Variants in MAPK13 observed in about 807,000 individuals in gnomAD.
MAPK13 encodes MAP kinase 13.
A neutral mutation model predicts 53.5 loss-of-function variants in MAPK13; 39 were observed. The ratio of observed to expected loss-of-function variants is 0.73; its 90% CI spans 0.56 to 0.95. MAPK13 has a LOEUF of 0.95. MAPK13 is among the 40% of genes least tolerant of loss of function. MAPK13 has a pLI of 0.00. For synonymous variants in MAPK13, 179 were observed against 190.9 expected (o/e 0.94, Z 0.51); for missense variants, 460 against 471.8 (o/e 0.98, Z 0.23).
In MAPK13 at chr6:36,141,047, C is replaced by T. The variant is rs985923615; in HGVS notation, c.*1674C>T. 1.3e-5 allele frequency: 2 copies of T among 152,126 alleles called. No homozygotes were observed. The highest frequency in any genetic ancestry group is 2.9e-5 in the Non-Finnish European group (2 of 68,056). 9.4% of individuals were successfully genotyped at this position (152,126 alleles called of 1,614,324 possible). ...AACTTCTGGACTCAAGTGATCCTCC[C>T]ACTTTGGCCTCCCAAAGTGCTGGGA... is the stretch of plus-strand genomic sequence containing the variant. On this transcript the variant is annotated 3_prime_UTR_variant, in exon 12 of 12. Coordinates refer to ENST00000211287, the MANE Select transcript of MAPK13 (RefSeq NM_002754.5).
Position 36,138,887 on chromosome 6 carries a change from C to G in MAPK13, c.850C>G (p.Leu284Val). 1.9e-6 allele frequency: 3 copies of G among 1,610,400 alleles called. No homozygotes were observed. The highest frequency in any genetic ancestry group is 2.5e-6 in the Non-Finnish European group (3 of 1,178,320). ...TGGCTCTGCCCCTGCAGCTGCGGAC[C>G]TGCTGGAGAAGATGCTGGAGCTAGA... ...FPRASPQAAD[L>V]LEKMLELDVD... The change falls in exon 11 of 12, where the codon CTG becomes GTG. Residue 284 changes from leucine to valine, a missense_variant. Physicochemically the swap from Leu to Val is conservative, Grantham distance 32 (BLOSUM62 1). Transcript: ENST00000211287.
At position 36,139,573 on chromosome 6, in the gene MAPK13, C is replaced by T. The variant is rs947928993; in HGVS notation, c.*200C>T. ...AACTAGCTCTGATCCTAACAGGCCA[C>T]GTTAAACTGCCCATCTGGAGAATCG... On this transcript the variant is annotated 3_prime_UTR_variant, in exon 12 of 12. Coordinates refer to ENST00000211287, the MANE Select transcript of MAPK13 (RefSeq NM_002754.5). 1.3e-5 allele frequency: 7 copies of T among 557,134 alleles called. No individual in the cohort carries two copies. Among genetic ancestry groups the T allele is most frequent in the Admixed American group, 6.3e-5 (2 of 31,640 alleles). 34.5% of individuals were successfully genotyped at this position (557,134 alleles called of 1,614,324 possible). A position where few individuals can be genotyped will look rare whatever the true frequency, so the allele number is the denominator to read the frequency against.
Position 36,131,253 on chromosome 6 carries a change from C to CCAGG in MAPK13, c.120-17_120-16insAGGC. ...CCAGGAGGAGAGCCTCGCCTGCTGA[C>CCAGG]CGGCCTGTGCCCGACAGCTCGGCCA... On this transcript the variant is annotated splice_polypyrimidine_tract_variant and intron_variant, in intron 1 of 11. Coordinates refer to ENST00000211287, the MANE Select transcript of MAPK13 (RefSeq NM_002754.5). 6.2e-7 allele frequency: 1 copy of CCAGG among 1,607,274 alleles called. No individual in the cohort carries two copies. Among genetic ancestry groups the CCAGG allele is most frequent in the South Asian group, 1.1e-5 (1 of 90,408 alleles).
chr6:36,134,573 AT>A (rs1368714529), intron 3 of MAPK13, among the ~76,000 whole-genome samples: 1 of 151,774 alleles, frequency 6.6e-6, no homozygotes, highest in African/African-American at 2.4e-5. Flanking sequence ...TTTTGTTTTA[AT>A]TTTTATAGAT....
In MAPK13 at chr6:36,130,871, C is replaced by T; in HGVS notation, c.119+170C>T. On this transcript the variant is annotated intron_variant, in intron 1 of 11. Coordinates refer to ENST00000211287, the MANE Select transcript of MAPK13 (RefSeq NM_002754.5). The surrounding 1 kb of genome is among the most constrained non-coding windows in gnomAD (Gnocchi z 4.5). ...CCATCTCCCTTTTCTCACCGAGTGG[C>T]TGAGTGAGGTCTCTGGGGGTTGAGT... 1 of 512,990 alleles carries T rather than the reference C, an allele frequency of 1.9e-6. No homozygotes were observed. 31.8% of individuals were successfully genotyped at this position (512,990 alleles called of 1,614,324 possible).
At chr6:36,139,231 G>T in intron 11 of MAPK13, 63 bp from the exon 12 acceptor site, 1 of 1,510,208 alleles carries the variant, frequency 6.6e-7, no homozygotes. Flanking sequence ...TGTCTCTGAA[G>T]GGGGGTGGAC....
Position 36,139,073 on chromosome 6 carries a change from G to C in MAPK13, c.1018+18G>C, listed in dbSNP as rs762955935. 1.0e-5 allele frequency: 16 copies of C among 1,560,922 alleles called. No individual in the cohort carries two copies. Among genetic ancestry groups the C allele is most frequent in the Non-Finnish European group, 1.3e-5 (15 of 1,154,182 alleles). ...ATGGAAGCGTAAGAGCTGGGGCCTC[G>C]GGCTTCCTCGCCTCCGCCTGCAGCC... On this transcript the variant is annotated intron_variant, in intron 11 of 11. Transcript: ENST00000211287.
At chr6:36,132,544 T>G (rs1287257401) in intron 2 of MAPK13, 77 bp from the exon 3 acceptor site, 3 of 1,320,744 alleles carry the variant, frequency 2.3e-6, no homozygotes, top group Non-Finnish European at 3.3e-6. Flanking sequence ...GATGGCCCTG[T>G]GCATGGCCAG....
At position 36,140,509 on chromosome 6, in the gene MAPK13, G is replaced by A. The variant is rs1050196939; in HGVS notation, c.*1136G>A. The A allele has an allele frequency of 6.6e-6, 1 of 152,604 alleles. No homozygotes were observed. Among genetic ancestry groups the A allele is most frequent in the Non-Finnish European group, 1.5e-5 (1 of 68,046 alleles). 9.5% of individuals were successfully genotyped at this position (152,604 alleles called of 1,614,324 possible). On this transcript the variant is annotated 3_prime_UTR_variant, in exon 12 of 12. Coordinates refer to ENST00000211287, the MANE Select transcript of MAPK13 (RefSeq NM_002754.5). ...GCACCAGGGGACTTGTTAAAATGCA[G>A]ATTCCTGGGCCCCACCCCAGGGCTT...
Position 36,142,666 on chromosome 6 carries a change from G to T in MAPK13, c.*3293G>T, listed in dbSNP as rs914445120. 3.9e-5 allele frequency: 6 copies of T among 152,386 alleles called. No individual in the cohort carries two copies. Among genetic ancestry groups the T allele is most frequent in the African/African-American group, 1.2e-4 (5 of 41,452 alleles). The allele number at this position is 152,386 out of a possible 1,614,324, so 9.4% of individuals were successfully genotyped here. A position where few individuals can be genotyped will look rare whatever the true frequency, so the allele number is the denominator to read the frequency against. ...GCAGAGAGCCCAGCAGGAAGCAGAAGTGGGCGGCCCTGGGCTGTACCTTTG... is the reference window on the plus strand; with the variant it reads ...GCAGAGAGCCCAGCAGGAAGCAGAATTGGGCGGCCCTGGGCTGTACCTTTG... On this transcript the variant is annotated 3_prime_UTR_variant, in exon 12 of 12. Coordinates refer to ENST00000211287, the MANE Select transcript of MAPK13 (RefSeq NM_002754.5). The surrounding 1 kb of genome is among the most constrained non-coding windows in gnomAD (Gnocchi z 4.4).
intron 8 of MAPK13, among the ~76,000 whole-genome samples, chr6:36,137,776 C>T (rs866002725): frequency 6.6e-6 from 1 of 151,468 alleles, no homozygotes; most frequent in African/African-American, 2.4e-5. Flanking sequence ...GCCTGGCCAA[C>T]GTGGTCAAAC....
intron 3 of MAPK13, among the ~76,000 whole-genome samples, chr6:36,135,279 C>T (rs1220212540): frequency 1.3e-5 from 2 of 152,228 alleles, no homozygotes; most frequent in Non-Finnish European, 2.9e-5. Flanking sequence ...CCTCTTCCAC[C>T]CTCCTGGAAA....
intron 1 of MAPK13, 80 bp from the exon 2 acceptor site, chr6:36,131,191 C>T: frequency 6.6e-7 from 1 of 1,517,812 alleles, no homozygotes; most frequent in Non-Finnish European, 8.9e-7. Context: ...GCCCAGCTGC[C>T]CAGTGGGAGG....
In MAPK13 at chr6:36,138,966, C is replaced by T. The variant is rs372731935; in HGVS notation, c.929C>T (p.Pro310Leu). 2.1e-5 allele frequency: 34 copies of T among 1,613,940 alleles called. No homozygotes were observed. The highest frequency in any genetic ancestry group is 2.5e-5 in the Non-Finnish European group (29 of 1,179,976). ...GCCCTCACCCATCCCTTCTTTGAAC[C>T]CTTCCGGGACCCTGAGGAAGAGACG... ...AQALTHPFFE[P>L]FRDPEEETEA... The change falls in exon 11 of 12, where the codon CCC becomes CTC. Residue 310 changes from proline (P) to leucine (L), a missense_variant. Physicochemically the swap from Pro to Leu is moderately conservative, Grantham distance 98. Transcript: ENST00000211287.
Position 36,138,436 on chromosome 6 carries a change from G to C in MAPK13, c.754G>C (p.Asp252His). 1 of 1,613,932 alleles carries C rather than the reference G, an allele frequency of 6.2e-7. No individual in the cohort carries two copies. The highest frequency in any genetic ancestry group is 8.5e-7 in the Non-Finnish European group (1 of 1,179,930). The change falls in exon 9 of 12, where the codon GAC (aspartate) becomes CAC (histidine). Residue 252 changes from aspartate (D) to histidine (H), a missense_variant. Physicochemically the swap from Asp to His is moderately conservative, Grantham distance 81. Transcript: ENST00000211287. ...CACGGAGTTTGTGCAGAAGCTGAAC[G>C]ACAAAGCGGTGGGTGGTAAATGGGA... ...PGTEFVQKLNDKAAKSYIQSL... is the reference protein window; with the variant it reads ...PGTEFVQKLNHKAAKSYIQSL...
intron 2 of MAPK13, among the ~76,000 whole-genome samples, chr6:36,132,002 G>A (rs1561787701): frequency 6.6e-6 from 1 of 152,238 alleles, no homozygotes; most frequent in East Asian, 1.9e-4. Context: ...GGAAAACCAG[G>A]GGCCCAGCTC....
rs368835919 is a variant in MAPK13 at position 36,136,002 on chromosome 6, C to T, written c.418-17C>T. The stretch of plus-strand genomic sequence containing the variant: ...GAAGCTGGGCCATGGACTCACCCTT[C>T]TCTCTCTCCCACATAGTACATCCAC... On this transcript the variant is annotated splice_polypyrimidine_tract_variant and intron_variant, in intron 4 of 11. Transcript: ENST00000211287. 38 of 1,613,704 alleles carry T rather than the reference C, an allele frequency of 2.4e-5. No individual in the cohort carries two copies. Among genetic ancestry groups the T allele is most frequent in the Non-Finnish European group, 3.1e-5 (37 of 1,179,802 alleles).
Position 36,138,295 on chromosome 6 carries a change from G to A in MAPK13, c.683-70G>A, listed in dbSNP as rs547981977. The A allele has an allele frequency of 2.5e-6, 3 of 1,177,986 alleles. No homozygotes were observed. In the South Asian group the frequency reaches 3.7e-5, roughly 15 times the overall value. 73.0% of individuals were successfully genotyped at this position (1,177,986 alleles called of 1,614,324 possible). On this transcript the variant is annotated intron_variant, in intron 8 of 11. Transcript: ENST00000211287. The stretch of plus-strand genomic sequence containing the variant: ...TGCCATGGTGCCCGGGTGAAGTGAT[G>A]GTGGGGTCGCAGGAAGGGCAGTCTC...
Position 36,143,922 on chromosome 6 carries a change from A to C in MAPK13, c.*4549A>C, listed in dbSNP as rs772629413. The C allele has an allele frequency of 6.6e-6, 1 of 152,178 alleles. No homozygotes were observed. The highest frequency in any genetic ancestry group is 1.5e-5 in the Non-Finnish European group (1 of 68,038). 9.4% of individuals were successfully genotyped at this position (152,178 alleles called of 1,614,324 possible). ...GCTGCCCTCACTCTGGGCGGGTGGC[A>C]TGTGAGTGTCAACAGGGCCCCTCTC... is the stretch of plus-strand genomic sequence containing the variant. On this transcript the variant is annotated 3_prime_UTR_variant, in exon 12 of 12. Coordinates refer to ENST00000211287, the MANE Select transcript of MAPK13 (RefSeq NM_002754.5).
Sources: gnomAD v4.1 joint callset for allele counts (sites outside exome capture counted in the v4.1 genomes callset) on GRCh38, gnomAD v4.1.1 for gene constraint, Gnocchi (gnomAD v3.1) non-coding constraint, MANE v1.5 for transcripts, NCBI Gene and HGNC (gene_info 2026-07-23, HGNC 2026-07-21) for gene names.